TMEM132D: variants seen among roughly 807,000 people sequenced by gnomAD.
The protein encoded by TMEM132D is mature OL transmembrane protein.
TMEM132D carries 21 observed loss-of-function variants against 62.3 expected under a neutral mutation model. The observed-to-expected ratio is 0.34, with a 90% CI of 0.24 to 0.49. TMEM132D has a LOEUF of 0.49. TMEM132D is among the 20% of genes least tolerant of loss of function. The pLI, the probability that TMEM132D is intolerant of heterozygous loss-of-function variation, is 0.99. For missense variants in TMEM132D, 1,346 were observed against 1,402.8 expected, an observed-to-expected ratio of 0.96 and a Z score of 0.65; for synonymous variants, 621 against 575.6, an observed-to-expected ratio of 1.08 and a Z score of -1.13.
At chr12:129,812,609 A>T (rs1289931494) in intron 1 of TMEM132D, among the ~76,000 whole-genome samples, 1 of 151,772 alleles carries the variant, frequency 6.6e-6, no homozygotes, top group East Asian at 1.9e-4. Flanking sequence ...TCAAACGGAC[A>T]GTGTCTATCT....
At chr12:129,799,648 C>T (rs1043372691) in intron 1 of TMEM132D, among the ~76,000 whole-genome samples, 1 of 152,086 alleles carries the variant, frequency 6.6e-6, no homozygotes, top group African/African-American at 2.4e-5. Context: ...CACACTTGCG[C>T]ACTTCACTTA....
chr12:129,629,239 G>A (rs953455452), intron 2 of TMEM132D, among the ~76,000 whole-genome samples: 5 of 152,114 alleles, frequency 3.3e-5, no homozygotes, highest in African/African-American at 9.7e-5. Context: ...CTGCCCTTGG[G>A]AAACTCCTCT....
intron 2 of TMEM132D, among the ~76,000 whole-genome samples, chr12:129,648,266 C>A (rs925825157): frequency 3.3e-5 from 5 of 152,066 alleles, no homozygotes; most frequent in African/African-American, 1.2e-4. Context: ...GTCCTGTGAC[C>A]TCCACCCAGG....
At chr12:129,097,384 T>G (rs187252038) in intron 5 of TMEM132D, among the ~76,000 whole-genome samples, 1 of 152,374 alleles carries the variant, frequency 6.6e-6, no homozygotes, top group African/African-American at 2.4e-5. Flanking sequence ...GAGGGGACTC[T>G]CTAAATGAAT....
chr12:129,200,031 A>T (rs1878658450), intron 5 of TMEM132D, among the ~76,000 whole-genome samples: 1 of 152,202 alleles, frequency 6.6e-6, no homozygotes, highest in African/African-American at 2.4e-5. Flanking sequence ...CGTGATTAAA[A>T]ATCAATAATA....
At chr12:129,144,281 T>G (rs34062405) in intron 5 of TMEM132D, among the ~76,000 whole-genome samples, 54,645 of 152,010 alleles carry the variant, frequency 0.36, 11,012 homozygotes, top group Non-Finnish European at 0.45. Context: ...ATGGTTCCAA[T>G]AAATCATGTC....
intron 3 of TMEM132D, among the ~76,000 whole-genome samples, chr12:129,362,801 A>G (rs1375972152): frequency 6.6e-6 from 1 of 152,138 alleles, no homozygotes; most frequent in Admixed American, 6.5e-5. Flanking sequence ...AGAATTGGCA[A>G]GGAATGTAAG....
chr12:129,863,473 C>T (rs997316663), intron 1 of TMEM132D, among the ~76,000 whole-genome samples: 1 of 152,152 alleles, frequency 6.6e-6, no homozygotes, highest in Non-Finnish European at 1.5e-5. Context: ...ATGAAGAATT[C>T]TGTTTTTTCA....
At chr12:129,228,739 T>C (rs1401306591) in intron 4 of TMEM132D, among the ~76,000 whole-genome samples, 1 of 152,244 alleles carries the variant, frequency 6.6e-6, no homozygotes. Context: ...GCACACAGGT[T>C]TAATGCTTTC....
At chr12:129,206,765 T>A (rs1025347110) in intron 5 of TMEM132D, among the ~76,000 whole-genome samples, 1 of 152,188 alleles carries the variant, frequency 6.6e-6, no homozygotes, top group African/African-American at 2.4e-5. Context: ...TGGAATACTA[T>A]GCAGCCATAA....
At position 129,337,648 on chromosome 12, in the gene TMEM132D, C is replaced by A. The variant is rs750542701; in HGVS notation, c.1285G>T (p.Val429Leu). 1.2e-6 allele frequency: 2 copies of A among 1,614,038 alleles called. No homozygotes were observed. The highest frequency in any genetic ancestry group is 3.3e-5 in the Admixed American group (2 of 60,018). ...GGCTTGCTTACCATAGCCAGCGGCA[C>A]AACTCCAATCAAGTCCTTTGGGCTC... Reference protein sequence around the residue: ...YVSPKDLIGVVPLAMEAEILN... With the variant: ...YVSPKDLIGVLPLAMEAEILN... Residue 429 changes from valine (V) to leucine (L), a missense_variant, in exon 4 of 9, where the codon GTG (valine) becomes TTG (leucine). Val to Leu is a conservative substitution (Grantham distance 32, BLOSUM62 1). Coordinates refer to ENST00000422113, the MANE Select transcript of TMEM132D (RefSeq NM_133448.3).
intron 8 of TMEM132D, 66 bp from the exon 9 acceptor site, chr12:129,075,125 A>G: frequency 7.5e-7 from 1 of 1,329,398 alleles, no homozygotes. Context: ...AAGTCTTAGT[A>G]CAGTAGACAC....
chr12:129,611,670 A>G (rs1380106083), intron 2 of TMEM132D, among the ~76,000 whole-genome samples: 1 of 152,206 alleles, frequency 6.6e-6, no homozygotes, highest in Non-Finnish European at 1.5e-5. Context: ...GGTTCACTCC[A>G]TCATGGGAGG....
chr12:129,638,915 C>T (rs896934974), intron 2 of TMEM132D, among the ~76,000 whole-genome samples: 1 of 152,028 alleles, frequency 6.6e-6, no homozygotes, highest in African/African-American at 2.4e-5. Context: ...TACAGACTAA[C>T]ACAGCATATG....
At position 129,618,401 on chromosome 12, in the gene TMEM132D, C is replaced by T. The variant is rs182606270; in HGVS notation, c.968+81409G>A. 7.9e-5 allele frequency among the ~76,000 whole-genome samples: 12 copies of T among 152,276 alleles called. No individual in the cohort carries two copies. The East Asian group carries it at 2.3e-3, about 29-fold the overall frequency. ...AACCCTATTCTCTGACAAAATTTAC[C>T]TGATGTGTTTGTTCGCTTAACAGAC... On this transcript the variant is annotated intron_variant, in intron 2 of 8. Transcript: ENST00000422113.
chr12:129,835,482 G>T (rs1426423864), intron 1 of TMEM132D, among the ~76,000 whole-genome samples: 2 of 151,996 alleles, frequency 1.3e-5, no homozygotes, highest in African/African-American at 4.8e-5. Context: ...GTAGAGACAA[G>T]GTTTCACCAT....
chr12:129,266,736 T>C (rs993812471), intron 4 of TMEM132D, among the ~76,000 whole-genome samples: 4 of 152,004 alleles, frequency 2.6e-5, no homozygotes, highest in African/African-American at 9.7e-5. Context: ...TTCAGAGTTC[T>C]TATCAGCCAA....
At chr12:129,564,063 G>A (rs1210217211) in intron 2 of TMEM132D, among the ~76,000 whole-genome samples, 2 of 151,690 alleles carry the variant, frequency 1.3e-5, no homozygotes, top group African/African-American at 2.4e-5. Flanking sequence ...ACGTTTCAGG[G>A]TATTTTCATT....
intron 1 of TMEM132D, among the ~76,000 whole-genome samples, chr12:129,707,591 A>G (rs1158012156): frequency 2.6e-5 from 4 of 152,310 alleles, no homozygotes; most frequent in African/African-American, 9.6e-5. Flanking sequence ...GCTGTCCCCA[A>G]TACTTTTGGA....
Sources: gnomAD v4.1 joint callset for allele counts (sites outside exome capture counted in the v4.1 genomes callset) on GRCh38, gnomAD v4.1.1 for gene constraint, MANE v1.5 for transcripts, NCBI Gene and HGNC (gene_info 2026-07-23, HGNC 2026-07-21) for gene names.